PM20D2: variants seen among roughly 807,000 people sequenced by gnomAD.
PM20D2 encodes the protein peptidase M20 domain containing 2, also known as xaa-Arg dipeptidase.
In PM20D2, 33 loss-of-function variants were observed where a neutral mutation model predicts 42.9. That is an observed-to-expected ratio of 0.77 (90% CI 0.58 to 1.03). The LOEUF is 1.03. Among genes scored for constraint, PM20D2 ranks in the 50% least tolerant of loss-of-function variants. The pLI, the probability that PM20D2 is intolerant of heterozygous loss-of-function variation, is 0.00. For missense variants in PM20D2, 548 were observed against 557.0 expected (o/e 0.98, Z 0.16); for synonymous variants, 250 against 228.2 (o/e 1.10, Z -0.86).
At chr6:89,094,280 T>C in the PM20D2 span, among the ~76,000 whole-genome samples, 1 of 151,408 alleles carries the variant, frequency 6.6e-6, no homozygotes, top group South Asian at 2.1e-4. Flanking sequence ...TGGAGTGCAG[T>C]GGCACCATCT....
intron 4 of PM20D2, among the ~76,000 whole-genome samples, chr6:89,155,258 CTTTTTTTTTT>C (rs34776724): frequency 1.7e-5 from 1 of 58,922 alleles, no homozygotes; most frequent in Non-Finnish European, 3.1e-5. Context: ...TCAGCAAAAG[CTTTTTTTTTT>C]TTTTTTTTTT....
the PM20D2 span, among the ~76,000 whole-genome samples, chr6:89,104,042 G>T: frequency 1.8e-5 from 2 of 108,366 alleles, no homozygotes; most frequent in Non-Finnish European, 3.5e-5. Context: ...TCACCATGTT[G>T]GCCAGGCTAG....
rs768966553 is a variant in PM20D2 at position 89,161,861 on chromosome 6, A to C, written c.1127A>C (p.Asn376Thr). 1.5e-5 allele frequency: 25 copies of C among 1,613,056 alleles called. No individual in the cohort carries two copies. Among genetic ancestry groups the C allele is most frequent in the Non-Finnish European group, 2.1e-5 (25 of 1,179,120 alleles). The change falls in exon 6 of 7, where the codon AAT becomes ACT. Residue 376 changes from asparagine (N) to threonine (T), a missense_variant. By Grantham distance (65) the Asn-to-Thr change is moderately conservative. Around this residue, in one of 3 missense-constraint regions of PM20D2, gnomAD observed 71 missense variants for 69.7 expected, o/e 1.02. Coordinates refer to ENST00000275072, the MANE Select transcript of PM20D2 (RefSeq NM_001010853.3). ...TTTCACATTGGATCTAATGCCTTGAATCATACTGAACAGTACACTGAAGCT... is the reference window on the plus strand; with the variant it reads ...TTTCACATTGGATCTAATGCCTTGACTCATACTGAACAGTACACTGAAGCT... ...PYFHIGSNALNHTEQYTEAAG... is the reference protein window; with the variant it reads ...PYFHIGSNALTHTEQYTEAAG...
intron 2 of PM20D2, among the ~76,000 whole-genome samples, chr6:89,150,019 G>C (rs1770773388): frequency 6.6e-6 from 1 of 152,146 alleles, no homozygotes; most frequent in Non-Finnish European, 1.5e-5. Context: ...TTTTATACCA[G>C]AAATTTCAAC....
At chr6:89,131,486 A>G in the PM20D2 span, among the ~76,000 whole-genome samples, 1 of 152,072 alleles carries the variant, frequency 6.6e-6, no homozygotes, top group African/African-American at 2.4e-5. Flanking sequence ...TCAGGAGTAC[A>G]AGACCAGCCT....
At chr6:89,127,558 C>A in the PM20D2 span, among the ~76,000 whole-genome samples, 1 of 152,110 alleles carries the variant, frequency 6.6e-6, no homozygotes, top group Non-Finnish European at 1.5e-5. Flanking sequence ...AAACTCATGA[C>A]CTCAGGTGAT....
the PM20D2 span, among the ~76,000 whole-genome samples, chr6:89,124,000 G>A: frequency 1.3e-5 from 2 of 152,168 alleles, no homozygotes; most frequent in African/African-American, 4.8e-5. Flanking sequence ...TCGTGCCACT[G>A]CACTCTAGCC....
chr6:89,103,121 A>G, the PM20D2 span, among the ~76,000 whole-genome samples: 48 of 152,244 alleles, frequency 3.2e-4, no homozygotes, highest in Non-Finnish European at 6.5e-4. Flanking sequence ...CAATGGTCTT[A>G]TAACAAGTAC....
At chr6:89,130,675 G>A in the PM20D2 span, among the ~76,000 whole-genome samples, 1 of 151,946 alleles carries the variant, frequency 6.6e-6, no homozygotes, top group African/African-American at 2.4e-5. Context: ...GCCCAGGCTG[G>A]TCTCAAACTC....
rs1218421187 is a variant in PM20D2 at position 89,154,861 on chromosome 6, G to GAA, written c.872_873dup (p.Asp292LysfsTer44). 6.2e-7 allele frequency: 1 copy of GAA among 1,608,940 alleles called. No individual in the cohort carries two copies. The highest frequency in any genetic ancestry group is 8.5e-7 in the Non-Finnish European group (1 of 1,178,092). ...ACTTCAAGTTTTGACCAAAAAGGCA[G>GAA]AAGATTGCTTCAGAGCTGCAGCTTT... On this transcript the variant is annotated frameshift_variant, in exon 4 of 7. Transcript: ENST00000275072. LOFTEE classifies it high-confidence loss of function.
upstream of PM20D2, among the ~76,000 whole-genome samples, chr6:89,144,146 C>A (rs1354082137): frequency 6.6e-6 from 1 of 152,134 alleles, no homozygotes; most frequent in African/African-American, 2.4e-5. Flanking sequence ...TACATACGTG[C>A]CTGTGGGCAT....
the PM20D2 span, among the ~76,000 whole-genome samples, chr6:89,099,621 C>CAGGTTTGA: frequency 6.6e-6 from 1 of 151,346 alleles, no homozygotes; most frequent in Non-Finnish European, 1.5e-5. Flanking sequence ...CCGCAACCTC[C>CAGGTTTGA]GCCTCCCAGG....
At chr6:89,135,546 T>C in the PM20D2 span, among the ~76,000 whole-genome samples, 4 of 151,464 alleles carry the variant, frequency 2.6e-5, no homozygotes, top group South Asian at 8.3e-4. Flanking sequence ...CTTATTTCAA[T>C]GGCATATGAG....
At chr6:89,147,112 C>T (rs1239148121) in intron 1 of PM20D2, among the ~76,000 whole-genome samples, 2 of 152,156 alleles carry the variant, frequency 1.3e-5, no homozygotes, top group African/African-American at 4.8e-5. Context: ...TTTTCAGTCG[C>T]TAGAACCACC....
At chr6:89,116,043 A>G in the PM20D2 span, among the ~76,000 whole-genome samples, 10 of 152,240 alleles carry the variant, frequency 6.6e-5, no homozygotes, top group African/African-American at 2.4e-4. Flanking sequence ...TATATCAACA[A>G]TAAGTCCAGA....
intron 6 of PM20D2, 60 bp downstream of exon 6, chr6:89,161,950 C>G: frequency 1.3e-6 from 2 of 1,512,808 alleles, no homozygotes; most frequent in Non-Finnish European, 1.8e-6. Context: ...TAGTAGCTGC[C>G]TTTCTGTTTA....
At chr6:89,131,454 G>A in the PM20D2 span, among the ~76,000 whole-genome samples, 1 of 87,068 alleles carries the variant, frequency 1.1e-5, no homozygotes, top group Non-Finnish European at 3.0e-5. Context: ...TTGGGAGACT[G>A]AGGCGGGAAG....
At chr6:89,107,100 G>C in the PM20D2 span, 2 of 1,422,862 alleles carry the variant, frequency 1.4e-6, no homozygotes, top group Non-Finnish European at 2.0e-6. Flanking sequence ...ATACATATAT[G>C]TATAAGCACG....
chr6:89,108,704 C>T, the PM20D2 span, among the ~76,000 whole-genome samples: 1 of 152,142 alleles, frequency 6.6e-6, no homozygotes, highest in Admixed American at 6.6e-5. Context: ...AAAGAAGCAA[C>T]TTTCAGGTTT....
Sources: allele counts gnomAD v4.1 joint callset (sites outside exome capture counted in the v4.1 genomes callset), GRCh38; gene constraint gnomAD v4.1.1; regional missense constraint gnomAD v4.1.1; transcripts MANE v1.5; gene names NCBI Gene and HGNC (gene_info 2026-07-23, HGNC 2026-07-21).